Variants in DENND2B observed in about 807,000 individuals in gnomAD.
DENND2B encodes DENN domain-containing protein 2B.
A neutral mutation model predicts 116.0 loss-of-function variants in DENND2B; 32 were observed. The observed-to-expected ratio is 0.28, with a 90% CI of 0.21 to 0.37. The LOEUF (loss-of-function observed/expected upper bound fraction) is 0.37, where lower values mean the gene tolerates loss of function less well. Among genes scored for constraint, DENND2B ranks in the 10% least tolerant of loss-of-function variants. The pLI is 1.00. For synonymous variants in DENND2B, 588 were observed against 583.9 expected, an observed-to-expected ratio of 1.01 and a Z score of -0.10; for missense variants, 1,276 against 1,477.7, an observed-to-expected ratio of 0.86 and a Z score of 2.24.
At chr11:8,831,696 C>CA (rs1299142975) in intron 4 of DENND2B, 1 of 151,838 alleles carries the variant, frequency 6.6e-6, no homozygotes, top group Non-Finnish European at 1.5e-5. Flanking sequence ...ACCCTGTCTC[C>CA]ATAAAAAAAA....
At chr11:8,852,857 T>G (rs890951972) in intron 3 of DENND2B, among the ~76,000 whole-genome samples, 4 of 152,166 alleles carry the variant, frequency 2.6e-5, no homozygotes, top group Non-Finnish European at 5.9e-5. Context: ...TTGGCTGGAT[T>G]GGAGGCAGCA....
rs530047834 is a variant in DENND2B at position 8,718,400 on chromosome 11, G to C, written c.1478-508C>G. The C allele has an allele frequency of 9.8e-6, 15 of 1,533,226 alleles. No individual in the cohort carries two copies. The South Asian group carries it at 1.7e-4, about 17-fold the overall frequency. The allele number at this position is 1,533,226 out of a possible 1,614,324, so 95.0% of individuals were successfully genotyped here. A position where few individuals can be genotyped will look rare whatever the true frequency, so the allele number is the denominator to read the frequency against. Reference sequence around the variant, plus strand: ...GGAGGAACTCACAGAACCGTAGGGAGCAGGGCTTCGCCAGGCCCCCTTCTC... The same window carrying C: ...GGAGGAACTCACAGAACCGTAGGGACCAGGGCTTCGCCAGGCCCCCTTCTC... On this transcript the variant is annotated intron_variant, in intron 4 of 19. Transcript: ENST00000313726.
chr11:8,892,308 C>G (rs2064044206), intron 1 of DENND2B, among the ~76,000 whole-genome samples: 1 of 151,924 alleles, frequency 6.6e-6, no homozygotes, highest in Non-Finnish European at 1.5e-5. Flanking sequence ...TAAAATTGAT[C>G]TAAAACCCTA....
At chr11:8,902,501 T>C (rs2064183038) in intron 1 of DENND2B, among the ~76,000 whole-genome samples, 1 of 152,232 alleles carries the variant, frequency 6.6e-6, no homozygotes, top group African/African-American at 2.4e-5. Context: ...ATTTTTGTGA[T>C]TCTGATATGC....
At chr11:8,711,366 C>T (rs1226313269) in intron 9 of DENND2B, 135 bp from the exon 10 acceptor site, 9 of 685,654 alleles carry the variant, frequency 1.3e-5, no homozygotes, top group East Asian at 2.7e-5. Flanking sequence ...TGTCCCACTC[C>T]GAATTCTTAC....
At position 8,710,790 on chromosome 11, in the gene DENND2B, CACA is replaced by C. The variant is rs200109897; in HGVS notation, c.2352+52_2352+54del. ...ACACACACACACACACACACACACA[CACA>C]CCCTGGCCTATCCCCTGCCTGCTGG... is the stretch of plus-strand genomic sequence containing the variant. On this transcript the variant is annotated intron_variant, in intron 11 of 19. Transcript: ENST00000313726. The C allele has an allele frequency of 7.8e-4, 1,145 of 1,461,826 alleles. 3 individuals are homozygous for C. Among genetic ancestry groups the C allele is most frequent in the African/African-American group, 1.1e-3 (80 of 70,482 alleles). 90.6% of individuals were successfully genotyped at this position (1,461,826 alleles called of 1,614,324 possible).
At chr11:8,768,119 T>C (rs1370098752) in intron 1 of DENND2B, among the ~76,000 whole-genome samples, 1 of 151,948 alleles carries the variant, frequency 6.6e-6, no homozygotes, top group Non-Finnish European at 1.5e-5. Context: ...GCTGGGCACT[T>C]ATCCAAGTAC....
chr11:8,831,387 C>G (rs1444026284), intron 4 of DENND2B, among the ~76,000 whole-genome samples: 1 of 152,204 alleles, frequency 6.6e-6, no homozygotes, highest in Non-Finnish European at 1.5e-5. Context: ...CTTCTGGCCA[C>G]TCGGGAGCAA....
At chr11:8,780,850 C>T (rs1007390262) in intron 1 of DENND2B, among the ~76,000 whole-genome samples, 4 of 152,088 alleles carry the variant, frequency 2.6e-5, no homozygotes, top group Non-Finnish European at 5.9e-5. Context: ...CTGAGGTAAG[C>T]AGCAAGTGCA....
chr11:8,815,378 T>C (rs1387373740), upstream of DENND2B, among the ~76,000 whole-genome samples: 1 of 152,118 alleles, frequency 6.6e-6, no homozygotes, highest in Non-Finnish European at 1.5e-5. Context: ...TGTGACTACA[T>C]CCAACGTTCC....
intron 4 of DENND2B, among the ~76,000 whole-genome samples, chr11:8,819,200 G>T (rs1441837100): frequency 6.6e-6 from 1 of 152,098 alleles, no homozygotes; most frequent in Non-Finnish European, 1.5e-5. Flanking sequence ...TTTGAGACCA[G>T]CCTGGGCAAC....
chr11:8,888,103 T>A (rs1173594623), intron 1 of DENND2B, among the ~76,000 whole-genome samples: 2 of 152,184 alleles, frequency 1.3e-5, no homozygotes, highest in African/African-American at 4.8e-5. Context: ...TGTAATTATT[T>A]TGGAACTCTA....
intron 1 of DENND2B, chr11:8,808,999 C>T (rs2061135097): frequency 6.6e-6 from 1 of 152,238 alleles, no homozygotes; most frequent in Non-Finnish European, 1.5e-5. Flanking sequence ...TCCAACTACA[C>T]ACACAAGTAG....
intron 1 of DENND2B, among the ~76,000 whole-genome samples, chr11:8,804,156 G>A (rs749549557): frequency 4.6e-5 from 7 of 152,182 alleles, no homozygotes; most frequent in Non-Finnish European, 7.4e-5. Context: ...CAGTGTGGGC[G>A]GCTGCCGTGT....
At chr11:8,814,567 T>C (rs2061505109), upstream of DENND2B, among the ~76,000 whole-genome samples, 2 of 152,208 alleles carry the variant, frequency 1.3e-5, no homozygotes, top group South Asian at 2.1e-4. Flanking sequence ...TTGCCTCACC[T>C]TGACTCTCCT....
chr11:8,764,958 A>G (rs1593336835), intron 1 of DENND2B, among the ~76,000 whole-genome samples: 1 of 139,166 alleles, frequency 7.2e-6, no homozygotes, highest in African/African-American at 2.7e-5. Flanking sequence ...AAAAAAAAAA[A>G]AAAAAAAGAA....
At chr11:8,748,646 C>T (rs1167681488) in intron 2 of DENND2B, among the ~76,000 whole-genome samples, 1 of 151,852 alleles carries the variant, frequency 6.6e-6, no homozygotes, top group African/African-American at 2.4e-5. Flanking sequence ...AGGAGAGAAG[C>T]GGAAATGTGG....
intron 14 of DENND2B, chr11:8,699,923 G>T (rs2041206764): frequency 2.2e-6 from 1 of 456,224 alleles, no homozygotes; most frequent in Non-Finnish European, 4.4e-6. Context: ...CAAGACCCCA[G>T]ATTGGCAGAA....
chr11:8,748,257 C>A (rs2051662416), intron 2 of DENND2B, among the ~76,000 whole-genome samples: 1 of 152,158 alleles, frequency 6.6e-6, no homozygotes, highest in Non-Finnish European at 1.5e-5. Context: ...CAGGTCACTA[C>A]CAAACACCTA....
Sources: allele counts gnomAD v4.1 joint callset (sites outside exome capture counted in the v4.1 genomes callset), GRCh38; gene constraint gnomAD v4.1.1; transcripts MANE v1.5; gene names NCBI Gene and HGNC (gene_info 2026-07-23, HGNC 2026-07-21).